Variants in ZMYM2 observed in about 807,000 individuals in gnomAD.
The protein encoded by ZMYM2 is zinc finger MYM-type containing 2.
In ZMYM2, 56 loss-of-function variants were observed where a neutral mutation model predicts 162.8. The observed-to-expected ratio is 0.34, with a 90% CI of 0.28 to 0.43. ZMYM2 has a LOEUF of 0.43. Ranked by LOEUF, ZMYM2 falls within the 20% of genes least tolerant of loss-of-function variation. The pLI is 1.00. For synonymous variants in ZMYM2, 510 were observed against 541.6 expected (o/e 0.94, Z 0.81); for missense variants, 1,275 against 1,621.8 (o/e 0.79, Z 3.67).
chr13:19,921,724 C>A, the ZMYM2 span, among the ~76,000 whole-genome samples: 1 of 152,000 alleles, frequency 6.6e-6, no homozygotes, highest in Admixed American at 6.6e-5. Context: ...AAATTTAGGT[C>A]TTTAACACAA....
rs915502536 is a variant in ZMYM2 at position 20,086,412 on chromosome 13, G to T, written c.*398G>T. Reference sequence around the variant, plus strand: ...ACTGGGTTCTTAACCAGATGGTTGTGTATGGGTAGCACTACTAAAAGTTTA... The same window carrying T: ...ACTGGGTTCTTAACCAGATGGTTGTTTATGGGTAGCACTACTAAAAGTTTA... On this transcript the variant is annotated 3_prime_UTR_variant, in exon 25 of 25. Coordinates refer to ENST00000610343, the MANE Select transcript of ZMYM2 (RefSeq NM_197968.4). The T allele has an allele frequency of 4.4e-6, 1 of 226,498 alleles. No individual in the cohort carries two copies. The highest frequency in any genetic ancestry group is 8.8e-6 in the Non-Finnish European group (1 of 113,788). 14.0% of individuals were successfully genotyped at this position (226,498 alleles called of 1,614,324 possible).
chr13:19,954,068 G>C (rs921116140), upstream of ZMYM2, among the ~76,000 whole-genome samples: 5 of 146,846 alleles, frequency 3.4e-5, no homozygotes, highest in African/African-American at 1.2e-4. Context: ...TGGTTGTCAT[G>C]GTCAAAAAAA....
intron 2 of ZMYM2, among the ~76,000 whole-genome samples, chr13:19,976,834 C>A (rs1956839907): frequency 6.6e-6 from 1 of 152,100 alleles, no homozygotes; most frequent in Non-Finnish European, 1.5e-5. Context: ...ACTGATTTTC[C>A]GTTTGGTCGT....
chr13:19,958,955 G>A (rs998056906), intron 1 of ZMYM2, 114 bp downstream of exon 1: 4 of 152,316 alleles, frequency 2.6e-5, no homozygotes, highest in Non-Finnish European at 5.9e-5. Flanking sequence ...GGGAGGCGGA[G>A]ATGGGTGAGG....
At chr13:19,986,135 T>C (rs1028897956) in intron 2 of ZMYM2, among the ~76,000 whole-genome samples, 1 of 152,090 alleles carries the variant, frequency 6.6e-6, no homozygotes, top group African/African-American at 2.4e-5. Flanking sequence ...GTTGCAGTGT[T>C]GCAGTGAGCC....
chr13:19,939,020 ATTTTTT>A, the ZMYM2 span, among the ~76,000 whole-genome samples: 1 of 124,136 alleles, frequency 8.1e-6, no homozygotes, highest in Non-Finnish European at 1.6e-5. Flanking sequence ...CTTTGTTGTA[ATTTTTT>A]TTTTTTTTTT....
chr13:19,920,140 A>G, the ZMYM2 span, among the ~76,000 whole-genome samples: 1 of 152,176 alleles, frequency 6.6e-6, no homozygotes, highest in African/African-American at 2.4e-5. Flanking sequence ...GTATCTATGT[A>G]GGCATCATGT....
chr13:19,870,654 G>C, the ZMYM2 span, among the ~76,000 whole-genome samples: 2 of 148,550 alleles, frequency 1.3e-5, no homozygotes, highest in Non-Finnish European at 3.0e-5. Context: ...GCCCAGGCTG[G>C]TGTGCAGTGG....
intron 12 of ZMYM2, among the ~76,000 whole-genome samples, chr13:20,042,805 C>T (rs1338759083): frequency 2.6e-5 from 4 of 152,080 alleles, no homozygotes; most frequent in Non-Finnish European, 4.4e-5. Flanking sequence ...CTTACTGCAG[C>T]GTCCACCTGC....
chr13:19,868,861 A>G, the ZMYM2 span, among the ~76,000 whole-genome samples: 1 of 152,240 alleles, frequency 6.6e-6, no homozygotes, highest in African/African-American at 2.4e-5. Context: ...AGCTATTCTC[A>G]GGCCTCAGCC....
intron 2 of ZMYM2, among the ~76,000 whole-genome samples, 154 bp from the exon 3 acceptor site, chr13:19,992,909 G>C (rs548389748): frequency 6.6e-6 from 1 of 152,102 alleles, no homozygotes; most frequent in East Asian, 1.9e-4. Context: ...AATGATTAAT[G>C]AATGGATATC....
chr13:20,020,169 A>G (rs1311665645), intron 7 of ZMYM2, among the ~76,000 whole-genome samples: 1 of 152,142 alleles, frequency 6.6e-6, no homozygotes, highest in Non-Finnish European at 1.5e-5. Context: ...CCTTACAGCA[A>G]ATGAAAAACA....
the ZMYM2 span, among the ~76,000 whole-genome samples, chr13:19,941,269 C>A: frequency 6.6e-6 from 1 of 151,178 alleles, no homozygotes; most frequent in African/African-American, 2.4e-5. Flanking sequence ...GATTGTGCCG[C>A]TGCACTCCAG....
chr13:20,017,749 T>C (rs1234376131), intron 6 of ZMYM2, among the ~76,000 whole-genome samples: 1 of 152,184 alleles, frequency 6.6e-6, no homozygotes, highest in African/African-American at 2.4e-5. Flanking sequence ...ATTTTATTCT[T>C]CTGTATATCT....
At chr13:20,050,045 A>G (rs911988064) in intron 12 of ZMYM2, among the ~76,000 whole-genome samples, 16 of 152,012 alleles carry the variant, frequency 1.1e-4, no homozygotes, top group Admixed American at 6.5e-4. Context: ...GAGTGAAAAT[A>G]TGATCTTGGT....
At chr13:20,006,229 C>T (rs1315483558) in intron 5 of ZMYM2, 145 bp from the exon 6 acceptor site, 5 of 730,856 alleles carry the variant, frequency 6.8e-6, no homozygotes, top group Non-Finnish European at 7.8e-6. Flanking sequence ...GAGACCCTGT[C>T]TTTAAAAAAA....
chr13:19,913,889 A>T, the ZMYM2 span, among the ~76,000 whole-genome samples: 3 of 152,226 alleles, frequency 2.0e-5, no homozygotes. Context: ...AGAGGAAGGG[A>T]AGACTCAGGT....
chr13:19,883,867 C>T, the ZMYM2 span, among the ~76,000 whole-genome samples: 3 of 152,200 alleles, frequency 2.0e-5, no homozygotes, highest in African/African-American at 7.2e-5. Context: ...AGTAACTCTC[C>T]TGCCTCCGCC....
rs1213637383 is a variant in ZMYM2, at chr13:20,087,712, T to G, written c.*1698T>G. 2 of 186,188 alleles carry G rather than the reference T, an allele frequency of 1.1e-5. No individual in the cohort carries two copies. Among genetic ancestry groups the G allele is most frequent in the Non-Finnish European group, 2.3e-5 (2 of 88,056 alleles). 11.5% of individuals were successfully genotyped at this position (186,188 alleles called of 1,614,324 possible). On this transcript the variant is annotated 3_prime_UTR_variant, in exon 25 of 25. Coordinates refer to ENST00000610343, the MANE Select transcript of ZMYM2 (RefSeq NM_197968.4). ...ACTTGTTTTATAAGTTGAATGACTT[T>G]TCAGTCCCTTGATTTTATATTGTTG... is the stretch of plus-strand genomic sequence containing the variant.
Sources: allele counts gnomAD v4.1 joint callset (sites outside exome capture counted in the v4.1 genomes callset), GRCh38; gene constraint gnomAD v4.1.1; transcripts MANE v1.5; gene names NCBI Gene and HGNC (gene_info 2026-07-23, HGNC 2026-07-21).